OSGEP: variants seen among roughly 807,000 people sequenced by gnomAD.
OSGEP encodes the protein O-sialoglycoprotein endopeptidase, also known as tRNA N6-adenosine threonylcarbamoyltransferase.
Under a neutral mutation model 44.1 loss-of-function variants are expected in OSGEP, and 39 were observed. The observed-to-expected ratio is 0.88, with a 90% CI of 0.69 to 1.16. The LOEUF (loss-of-function observed/expected upper bound fraction) is 1.16, where lower values mean the gene tolerates loss of function less well. Among genes scored for constraint, OSGEP ranks in the 50% most tolerant of loss-of-function variants. The pLI is 0.00. For missense variants in OSGEP, 403 were observed against 443.1 expected, an observed-to-expected ratio of 0.91 and a Z score of 0.81; for synonymous variants, 139 against 161.9, an observed-to-expected ratio of 0.86 and a Z score of 1.07.
At position 20,446,889 on chromosome 14, in the gene OSGEP, C is replaced by A; in HGVS notation, c.*351G>T. 3.6e-6 allele frequency: 1 copy of A among 281,014 alleles called. No homozygotes were observed. The highest frequency in any genetic ancestry group is 6.7e-6 in the Non-Finnish European group (1 of 150,042). 17.4% of individuals were successfully genotyped at this position (281,014 alleles called of 1,614,324 possible). On this transcript the variant is annotated 3_prime_UTR_variant, in exon 11 of 11. Transcript: ENST00000206542. ...TACTCAGGAGGCTGAGGTGGTAAGA[C>A]TGCTTGAGCCCAGTTCGAGACCAGC...
Position 20,449,031 on chromosome 14 carries a change from TAAGGA to T in OSGEP, c.508-23_508-19del, listed in dbSNP as rs772985677. The T allele has an allele frequency of 1.2e-6, 2 of 1,608,452 alleles. No homozygotes were observed. The highest frequency in any genetic ancestry group is 2.2e-5 in the South Asian group (2 of 90,972). On this transcript the variant is annotated intron_variant, in intron 4 of 10. Coordinates refer to ENST00000206542, the MANE Select transcript of OSGEP (RefSeq NM_017807.4). ...TTAGAAATCTAGCAGAAGAAAAAAA[TAAGGA>T]AGGAGGGAATGGAAGAGGATGAAAT...
chr14:20,453,746 G>A (rs747681930), intron 1 of OSGEP, among the ~76,000 whole-genome samples: 3 of 152,168 alleles, frequency 2.0e-5, no homozygotes, highest in Non-Finnish European at 2.9e-5. Flanking sequence ...GACCAGGCCC[G>A]AGCGGTGGCT....
In OSGEP at chr14:20,454,743, C is replaced by T; in HGVS notation, c.-60G>A. ...TGGCAATGTCAGGAGCTGTGGAGGT[C>T]CTCACTAGTCCGCGCTGGGCCGCAG... is the stretch of plus-strand genomic sequence containing the variant. On this transcript the variant is annotated 5_prime_UTR_variant, in exon 1 of 11. Transcript: ENST00000206542. The T allele has an allele frequency of 2.4e-6, 3 of 1,235,344 alleles. No homozygotes were observed. The highest frequency in any genetic ancestry group is 3.5e-6 in the Non-Finnish European group (3 of 847,674). The allele number at this position is 1,235,344 out of a possible 1,614,324, so 76.5% of individuals were successfully genotyped here. A position where few individuals can be genotyped will look rare whatever the true frequency, so the allele number is the denominator to read the frequency against.
rs1385972499 is a variant in OSGEP, at chr14:20,447,197, G to A, written c.*43C>T. On this transcript the variant is annotated 3_prime_UTR_variant, in exon 11 of 11. Transcript: ENST00000206542. ...AGAGATTGAGGCACGGGGTCCTTTG[G>A]GTTCCGATTAAGGAACTATCTACTC... 4 of 1,568,152 alleles carry A rather than the reference G, an allele frequency of 2.6e-6. No homozygotes were observed. Among genetic ancestry groups the A allele is most frequent in the Non-Finnish European group, 2.6e-6 (3 of 1,138,198 alleles).
chr14:20,448,299 C>T, intron 6 of OSGEP, 128 bp from the exon 7 acceptor site: 1 of 780,636 alleles, frequency 1.3e-6, no homozygotes, highest in Non-Finnish European at 2.3e-6. Flanking sequence ...CATCCTGTAC[C>T]ACATTCCCTT....
Position 20,449,179 on chromosome 14 carries a change from C to G in OSGEP, c.499G>C (p.Val167Leu), listed in dbSNP as rs1475158412. The G allele has an allele frequency of 6.2e-7, 1 of 1,610,532 alleles. No homozygotes were observed. The highest frequency in any genetic ancestry group is 2.2e-5 in the East Asian group (1 of 44,870). Reference protein sequence around the residue: ...VGNCLDRFARVLKISNDPSPG... With the variant: ...VGNCLDRFARLLKISNDPSPG... ...CAGCCCCACTGGCTTACCTTCAGCA[C>G]TCGAGCAAAACGATCCAGACAATTA... The change falls in exon 4 of 11, where the codon GTG (valine) becomes CTG (leucine). Residue 167 changes from valine (V) to leucine (L), a missense_variant. Physicochemically the swap from Val to Leu is conservative, Grantham distance 32 (BLOSUM62 1). Coordinates refer to ENST00000206542, the MANE Select transcript of OSGEP (RefSeq NM_017807.4).
chr14:20,447,371 T>C, intron 10 of OSGEP, 51 bp downstream of exon 10: 1 of 1,602,872 alleles, frequency 6.2e-7, no homozygotes, highest in African/African-American at 1.3e-5. Flanking sequence ...TTCCCTGCTG[T>C]TTTTGTCTAT....
intron 6 of OSGEP, 150 bp from the exon 7 acceptor site, chr14:20,448,321 T>C: frequency 2.7e-6 from 2 of 728,034 alleles, no homozygotes; most frequent in Admixed American, 2.0e-5. Context: ...ACTGGCATCA[T>C]GGCATAGAAT....
intron 8 of OSGEP, 59 bp downstream of exon 8, chr14:20,447,845 A>G: frequency 7.6e-7 from 1 of 1,322,740 alleles, no homozygotes; most frequent in Non-Finnish European, 1.1e-6. Context: ...TTAGAGTACC[A>G]GGAGGAAGAC....
In OSGEP at chr14:20,452,463, T is replaced by C. The variant is rs375331483; in HGVS notation, c.116-15A>G. ...TGGAAGGAATCCTAGAAAATGAACA[T>C]AGGTCAGAGATCACAGGGATTTTCT... On this transcript the variant is annotated splice_polypyrimidine_tract_variant and intron_variant, in intron 1 of 10. Transcript: ENST00000206542. 6.2e-6 allele frequency: 10 copies of C among 1,612,724 alleles called. No individual in the cohort carries two copies. The highest frequency in any genetic ancestry group is 5.3e-5 in the African/African-American group (4 of 74,856).
Position 20,447,640 on chromosome 14 carries a change from C to A in OSGEP, c.844G>T (p.Ala282Ser). Residue 282 changes from alanine to serine, a missense_variant, in exon 9 of 11, where the codon GCC becomes TCC. Physicochemically the swap from Ala to Ser is moderately conservative, Grantham distance 99 (BLOSUM62 1). Transcript: ENST00000206542. The part of the protein sequence containing the change: ...MMATMCQERG[A>S]RLFATDERFC... ...CTCTCATCTGTAGCAAAAAGCCGGG[C>A]TCCACGTTCCTGGCACATTGTTGCC... is the stretch of plus-strand genomic sequence containing the variant. 1 of 1,614,096 alleles carries A rather than the reference C, an allele frequency of 6.2e-7. No individual in the cohort carries two copies. Among genetic ancestry groups the A allele is most frequent in the Non-Finnish European group, 8.5e-7 (1 of 1,179,936 alleles).
intron 5 of OSGEP, 52 bp from the exon 6 acceptor site, chr14:20,448,863 C>G: frequency 6.3e-7 from 1 of 1,589,686 alleles, no homozygotes; most frequent in Non-Finnish European, 8.6e-7. Context: ...GCTGGCTTCT[C>G]ACCCTCCAAA....
intron 6 of OSGEP, 146 bp from the exon 7 acceptor site, chr14:20,448,317 A>C: frequency 1.4e-6 from 1 of 740,450 alleles, no homozygotes; most frequent in Non-Finnish European, 2.5e-6. Context: ...CTTCACTGGC[A>C]TCATGGCATA....
chr14:20,447,222 C>A lies in OSGEP; in HGVS notation c.*18G>T. On this transcript the variant is annotated 3_prime_UTR_variant, in exon 11 of 11. Coordinates refer to ENST00000206542, the MANE Select transcript of OSGEP (RefSeq NM_017807.4). ...GGTTCCGATTAAGGAACTATCTACT[C>A]TGATTCTGTTGATCTTATTAGTCCC... 6.2e-7 allele frequency: 1 copy of A among 1,610,888 alleles called. No homozygotes were observed. Among genetic ancestry groups the A allele is most frequent in the Non-Finnish European group, 8.5e-7 (1 of 1,177,010 alleles).
rs977153558 is a variant in OSGEP at position 20,451,897 on chromosome 14, T to C, written c.411+77A>G. The stretch of plus-strand genomic sequence containing the variant: ...TCCATCTTTGTTCCTGACATTCCCA[T>C]GACTCAGATAGAACAAAGAAAATAC... On this transcript the variant is annotated intron_variant, in intron 3 of 10. Coordinates refer to ENST00000206542, the MANE Select transcript of OSGEP (RefSeq NM_017807.4). The C allele has an allele frequency of 3.1e-6, 4 of 1,270,290 alleles. No individual in the cohort carries two copies. In the African/African-American group the frequency reaches 6.0e-5, roughly 19 times the overall value. 78.7% of individuals were successfully genotyped at this position (1,270,290 alleles called of 1,614,324 possible). A position where few individuals can be genotyped will look rare whatever the true frequency, so the allele number is the denominator to read the frequency against.
rs1156639090 is a variant in OSGEP, at chr14:20,454,582, C to T, written c.102G>A (p.Thr34=). Residue 34 remains threonine, a synonymous_variant, in exon 1 of 11, where the codon ACG becomes ACA. Coordinates refer to ENST00000206542, the MANE Select transcript of OSGEP (RefSeq NM_017807.4). Reference sequence around the variant, plus strand: ...CTACTCACCAACCTGTGCCAGGAGGCGTGACGTAAGTCCGCCGCGGGTTCG... The same window carrying T: ...CTACTCACCAACCTGTGCCAGGAGGTGTGACGTAAGTCCGCCGCGGGTTCG... The part of the protein sequence containing the change: ...VLANPRRTYV[T]PPGTGFLPGD... 6.2e-7 allele frequency: 1 copy of T among 1,612,548 alleles called. No individual in the cohort carries two copies. Among genetic ancestry groups the T allele is most frequent in the East Asian group, 2.2e-5 (1 of 44,900 alleles).
Position 20,452,030 on chromosome 14 carries a change from G to A in OSGEP, c.355C>T (p.Leu119Phe), listed in dbSNP as rs147548960. ...HCIGHIEMGRLITGATSPTVL... is the reference protein window; with the variant it reads ...HCIGHIEMGRFITGATSPTVL... ...GTTGGGCTGGTGGCTCCAGTGATGA[G>A]GCGGCCCATCTCAATGTGGCCTATA... The change falls in exon 3 of 11, where the codon CTC becomes TTC. Residue 119 changes from leucine (L) to phenylalanine (F), a missense_variant. Transcript: ENST00000206542. 2.4e-4 allele frequency: 385 copies of A among 1,613,542 alleles called. 1 individual carries two copies. The African/African-American group carries it at 4.6e-3, about 19-fold the overall frequency.
At chr14:20,451,273 A>G in intron 3 of OSGEP, 2 of 241,970 alleles carry the variant, frequency 8.3e-6, no homozygotes, top group South Asian at 4.0e-5. Context: ...ATAATAAATC[A>G]GGTAGTGTCC....
At chr14:20,452,585 T>A in intron 1 of OSGEP, 137 bp from the exon 2 acceptor site, 1 of 768,612 alleles carries the variant, frequency 1.3e-6, no homozygotes, top group Non-Finnish European at 2.1e-6. Context: ...TCTTCCACAT[T>A]TTCACATCTA....
Sources: allele counts gnomAD v4.1 joint callset (sites outside exome capture counted in the v4.1 genomes callset), GRCh38; gene constraint gnomAD v4.1.1; transcripts MANE v1.5; gene names NCBI Gene and HGNC (gene_info 2026-07-23, HGNC 2026-07-21).